RAPH1: variants seen among roughly 807,000 people sequenced by gnomAD.
RAPH1 encodes ras-associated and pleckstrin homology domains-containing protein 1.
A neutral mutation model predicts 88.1 loss-of-function variants in RAPH1; 18 were observed. The observed-to-expected ratio is 0.20, with a 90% CI of 0.14 to 0.30. RAPH1 has a LOEUF of 0.30. RAPH1 is among the 10% of genes least tolerant of loss of function. The probability of loss-of-function intolerance (pLI) is 1.00; values close to 1 mark genes in which losing one functional copy is unlikely to be tolerated. For synonymous variants in RAPH1, 587 were observed against 559.0 expected, an observed-to-expected ratio of 1.05 and a Z score of -0.71; for missense variants, 1,448 against 1,543.2, an observed-to-expected ratio of 0.94 and a Z score of 1.03.
At chr2:203,506,564 A>G (rs1689009322) in intron 1 of RAPH1, among the ~76,000 whole-genome samples, 1 of 151,390 alleles carries the variant, frequency 6.6e-6, no homozygotes, top group Non-Finnish European at 1.5e-5. Flanking sequence ...ATGAGCCTCT[A>G]GAACATCATC....
In RAPH1 at chr2:203,437,016, G is replaced by A. The variant is rs531507699; in HGVS notation, c.*2421C>T. On this transcript the variant is annotated 3_prime_UTR_variant, in exon 14 of 14. Transcript: ENST00000319170. ...CTGTTGTCGGACAAGCCACTGGACT[G>A]GGGTTAAAATGAGTCTCCTCCTCTA... 82 of 94,534 alleles carry A rather than the reference G, an allele frequency of 8.7e-4. No individual in the cohort carries two copies. Among genetic ancestry groups the A allele is most frequent in the African/African-American group, 3.7e-3 (79 of 21,364 alleles). The allele number at this position is 94,534 out of a possible 1,614,324, so 5.9% of individuals were successfully genotyped here. A position where few individuals can be genotyped will look rare whatever the true frequency, so the allele number is the denominator to read the frequency against.
chr2:203,534,032 AACTG>A (rs774157369), intron 1 of RAPH1, among the ~76,000 whole-genome samples: 5 of 152,154 alleles, frequency 3.3e-5, no homozygotes, highest in Non-Finnish European at 7.3e-5. Flanking sequence ...CACCCAGCCT[AACTG>A]ACAGAGTAGG....
chr2:203,491,998 C>G (rs1688288349), intron 2 of RAPH1, among the ~76,000 whole-genome samples: 1 of 152,078 alleles, frequency 6.6e-6, no homozygotes, highest in Non-Finnish European at 1.5e-5. Flanking sequence ...CTTTGGCAGG[C>G]AGAGGCAGGC....
In RAPH1 at chr2:203,437,795, T is replaced by C. The variant is rs1466064864; in HGVS notation, c.*1642A>G. 5.2e-6 allele frequency: 1 copy of C among 191,826 alleles called. No individual in the cohort carries two copies. The highest frequency in any genetic ancestry group is 1.6e-4 in the East Asian group (1 of 6,352). 11.9% of individuals were successfully genotyped at this position (191,826 alleles called of 1,614,324 possible). On this transcript the variant is annotated 3_prime_UTR_variant, in exon 14 of 14. Coordinates refer to ENST00000319170, the MANE Select transcript of RAPH1 (RefSeq NM_213589.3). ...CACTTTACTGGCATCACTTTTTCCT[T>C]GTGGGACAATGTCAACTGATTTCTG...
rs140007300 is a variant in RAPH1 at position 203,441,954 on chromosome 2, G to A, written c.1777-541C>T. The A allele has an allele frequency of 4.7e-5, 68 of 1,453,256 alleles. No homozygotes were observed. The Middle Eastern group carries it at 9.2e-4, about 20-fold the overall frequency. The allele number at this position is 1,453,256 out of a possible 1,614,324, so 90.0% of individuals were successfully genotyped here. ...GAGAGTATGAGAATGTTGAGCAGGC[G>A]TGCACAGTCACACAGGAATGAATAA... On this transcript the variant is annotated intron_variant, in intron 13 of 13. Coordinates refer to ENST00000319170, the MANE Select transcript of RAPH1 (RefSeq NM_213589.3).
At position 203,506,881 on chromosome 2, in the gene RAPH1, G is replaced by GATATAT. The variant is rs1206268313; in HGVS notation, c.1-11534_1-11529dup. ...CTATATATATATATATATATATATA[G>GATATAT]ATATATATATATATATATTTTTTTT... On this transcript the variant is annotated intron_variant, in intron 1 of 13. Transcript: ENST00000319170. 6.6e-4 allele frequency among the ~76,000 whole-genome samples: 20 copies of GATATAT among 30,348 alleles called. 1 individual carries two copies. The highest frequency in any genetic ancestry group is 1.1e-3 in the Non-Finnish European group (18 of 16,492). 19.9% of individuals were successfully genotyped at this position (30,348 alleles called of 152,430 possible).
At chr2:203,501,719 T>G (rs1370338236) in intron 1 of RAPH1, among the ~76,000 whole-genome samples, 2 of 151,376 alleles carry the variant, frequency 1.3e-5, no homozygotes, top group Non-Finnish European at 2.9e-5. Context: ...CTCTGTAGAT[T>G]AGTGACCCTC....
At position 203,438,219 on chromosome 2, in the gene RAPH1, C is replaced by G. The variant is rs2098500043; in HGVS notation, c.*1218G>C. On this transcript the variant is annotated 3_prime_UTR_variant, in exon 14 of 14. Transcript: ENST00000319170. ...AGTAGCTATAAATGAAACTGTCTTC[C>G]CTCTCCATGTAGTCCCATACTTAAT... 1.9e-6 allele frequency: 1 copy of G among 517,356 alleles called. No homozygotes were observed. Among genetic ancestry groups the G allele is most frequent in the Non-Finnish European group, 3.9e-6 (1 of 259,314 alleles). The allele number at this position is 517,356 out of a possible 1,614,324, so 32.0% of individuals were successfully genotyped here. A position where few individuals can be genotyped will look rare whatever the true frequency, so the allele number is the denominator to read the frequency against.
chr2:203,454,310 A>G, intron 10 of RAPH1, 120 bp downstream of exon 10: 1 of 668,922 alleles, frequency 1.5e-6, no homozygotes, highest in Non-Finnish European at 2.4e-6. Context: ...ATTCCTTTTT[A>G]AACTTTGAGA....
At chr2:203,520,478 T>A (rs1431745124) in intron 1 of RAPH1, among the ~76,000 whole-genome samples, 4 of 151,680 alleles carry the variant, frequency 2.6e-5, no homozygotes, top group Non-Finnish European at 2.9e-5. Flanking sequence ...AAATAAAAAA[T>A]TAGCTGGGCA....
chr2:203,494,767 C>A (rs990274440), intron 2 of RAPH1, among the ~76,000 whole-genome samples: 1 of 149,338 alleles, frequency 6.7e-6, no homozygotes, highest in South Asian at 2.1e-4. Context: ...CAAGATTGCG[C>A]CACTGCACTC....
chr2:203,438,235 C>A lies in RAPH1; in HGVS notation c.*1202G>T, dbSNP rs767932312. Reference sequence around the variant, plus strand: ...ACTGTCTTCCCTCTCCATGTAGTCCCATACTTAATGAGCTTTTTGTATTAC... The same window carrying A: ...ACTGTCTTCCCTCTCCATGTAGTCCAATACTTAATGAGCTTTTTGTATTAC... On this transcript the variant is annotated 3_prime_UTR_variant, in exon 14 of 14. Coordinates refer to ENST00000319170, the MANE Select transcript of RAPH1 (RefSeq NM_213589.3). 1 of 513,446 alleles carries A rather than the reference C, an allele frequency of 1.9e-6. No individual in the cohort carries two copies. Among genetic ancestry groups the A allele is most frequent in the South Asian group, 1.4e-5 (1 of 70,166 alleles). The allele number at this position is 513,446 out of a possible 1,614,324, so 31.8% of individuals were successfully genotyped here.
intron 1 of RAPH1, among the ~76,000 whole-genome samples, chr2:203,521,360 G>A (rs1030995518): frequency 6.6e-6 from 1 of 152,026 alleles, no homozygotes; most frequent in Non-Finnish European, 1.5e-5. Flanking sequence ...AGCCAAAAAT[G>A]CAGATTTTTG....
At chr2:203,518,048 G>C (rs1428371495) in intron 1 of RAPH1, among the ~76,000 whole-genome samples, 2 of 151,670 alleles carry the variant, frequency 1.3e-5, no homozygotes, top group African/African-American at 4.8e-5. Flanking sequence ...GGAAATCAAG[G>C]AGAAAAATCA....
At chr2:203,506,725 CATATATAGATATATATCT>C (rs1348165321) in intron 1 of RAPH1, among the ~76,000 whole-genome samples, 89 of 125,264 alleles carry the variant, frequency 7.1e-4, no homozygotes, top group Middle Eastern at 4.1e-3. Flanking sequence ...GACTAAAATC[CATATATAGATATATATCT>C]ATATATATAT....
chr2:203,525,216 C>T (rs752087227), intron 1 of RAPH1, among the ~76,000 whole-genome samples: 7 of 152,162 alleles, frequency 4.6e-5, no homozygotes, highest in Non-Finnish European at 1.0e-4. Flanking sequence ...GACGGAGTCT[C>T]GCTCTGTCGC....
intron 8 of RAPH1, among the ~76,000 whole-genome samples, chr2:203,456,862 A>C (rs775702527): frequency 2.0e-5 from 3 of 152,232 alleles, no homozygotes; most frequent in Non-Finnish European, 4.4e-5. Context: ...TTTAAGGATA[A>C]GGCTGGAAAT....
At position 203,491,251 on chromosome 2, in the gene RAPH1, G is replaced by C; in HGVS notation, c.189C>G (p.Ala63=). The C allele has an allele frequency of 6.2e-7, 1 of 1,613,000 alleles. No homozygotes were observed. The highest frequency in any genetic ancestry group is 8.5e-7 in the Non-Finnish European group (1 of 1,179,320). The change falls in exon 3 of 14, where the codon GCC becomes GCG. Residue 63 remains alanine, a synonymous_variant. Transcript: ENST00000319170. ...ATATGGAGAAGCGGTAAGAAAAGTT[G>C]GCCATGTTTGTTTCCTGGCGAAGAG... ...RSPLRQETNM[A]NFSYRFSIYN...
intron 10 of RAPH1, among the ~76,000 whole-genome samples, chr2:203,453,442 A>G (rs900918801): frequency 6.8e-6 from 1 of 146,832 alleles, no homozygotes; most frequent in Non-Finnish European, 1.5e-5. Context: ...GCTACTTGGG[A>G]GACTGAGCTG....
Sources: gnomAD v4.1 joint callset for allele counts (sites outside exome capture counted in the v4.1 genomes callset) on GRCh38, gnomAD v4.1.1 for gene constraint, MANE v1.5 for transcripts, NCBI Gene and HGNC (gene_info 2026-07-23, HGNC 2026-07-21) for gene names.